The following SCN8A variants were observed in gnomAD, a reference collection of about 807,000 sequenced individuals.
SCN8A encodes the protein sodium voltage-gated channel alpha subunit 8.
In SCN8A, 30 loss-of-function variants were observed where a neutral mutation model predicts 184.1. That is an observed-to-expected ratio of 0.16 (90% CI 0.12 to 0.22). SCN8A has a LOEUF of 0.22. SCN8A is among the 10% of genes least tolerant of loss of function. The probability of loss-of-function intolerance (pLI) is 1.00; values close to 1 mark genes in which losing one functional copy is unlikely to be tolerated. For synonymous variants in SCN8A, 852 were observed against 907.0 expected, an observed-to-expected ratio of 0.94 and a Z score of 1.09; for missense variants, 1,057 against 2,498.9, an observed-to-expected ratio of 0.42 and a Z score of 12.30.
chr12:51,664,395 A>G (rs1940990115), intron 2 of SCN8A, among the ~76,000 whole-genome samples: 1 of 151,998 alleles, frequency 6.6e-6, no homozygotes. Flanking sequence ...TTTAGTAGAG[A>G]TGGGATTTCA....
At chr12:51,592,686 A>G (rs1939254630) in intron 1 of SCN8A, among the ~76,000 whole-genome samples, 1 of 151,890 alleles carries the variant, frequency 6.6e-6, no homozygotes, top group Non-Finnish European at 1.5e-5. Context: ...AGTGGGCACC[A>G]GAGAGTCAGG....
intron 11 of SCN8A, among the ~76,000 whole-genome samples, chr12:51,715,847 G>A (rs1008605148): frequency 6.6e-6 from 1 of 152,134 alleles, no homozygotes; most frequent in African/African-American, 2.4e-5. Context: ...CCGTGCAGGT[G>A]TGGAACAACC....
intron 11 of SCN8A, among the ~76,000 whole-genome samples, chr12:51,721,095 A>ATATATATAATATTTATTTATTGT (rs1565899336): frequency 4.1e-5 from 3 of 73,144 alleles, no homozygotes; most frequent in African/African-American, 1.3e-4. Context: ...ATATATATAT[A>ATATATATAATATTTATTTATTGT]TATATATATA....
At chr12:51,699,257 A>G (rs1377574951) in intron 6 of SCN8A, among the ~76,000 whole-genome samples, 1 of 152,236 alleles carries the variant, frequency 6.6e-6, no homozygotes, top group Non-Finnish European at 1.5e-5. Flanking sequence ...GCCCTATGGC[A>G]AGTAAGAGCT....
chr12:51,734,030 GT>G (rs1396667949), intron 12 of SCN8A, among the ~76,000 whole-genome samples: 2 of 151,836 alleles, frequency 1.3e-5, no homozygotes, highest in African/African-American at 4.8e-5. Context: ...ACAACCTCTT[GT>G]TTCATTGATC....
At chr12:51,616,499 C>T (rs1939839920) in intron 1 of SCN8A, among the ~76,000 whole-genome samples, 1 of 152,098 alleles carries the variant, frequency 6.6e-6, no homozygotes, top group African/African-American at 2.4e-5. Flanking sequence ...GTAGTCCCAG[C>T]TACTCAGGAG....
At chr12:51,722,434 C>T (rs927130322) in intron 12 of SCN8A, 1 of 157,282 alleles carries the variant, frequency 6.4e-6, no homozygotes, top group Non-Finnish European at 1.4e-5. Context: ...CCTAGGGAAA[C>T]AGCTTGGAAT....
chr12:51,640,081 GTT>G (rs374314744), intron 1 of SCN8A, among the ~76,000 whole-genome samples: 2 of 134,028 alleles, frequency 1.5e-5, no homozygotes. Context: ...TTTTTTTTAA[GTT>G]TTTTTTTTTT....
chr12:51,764,128 G>A (rs894103626), intron 15 of SCN8A, among the ~76,000 whole-genome samples: 6 of 152,088 alleles, frequency 3.9e-5, no homozygotes, highest in Admixed American at 3.3e-4. Context: ...AATATGAGTG[G>A]CCCAGATGTC....
intron 1 of SCN8A, among the ~76,000 whole-genome samples, chr12:51,607,706 T>A (rs1373095861): frequency 6.6e-6 from 1 of 152,194 alleles, no homozygotes; most frequent in African/African-American, 2.4e-5. Context: ...TGTTTTTAAT[T>A]CTGTTTATGT....
At chr12:51,766,123 A>G (rs1479681137) in intron 16 of SCN8A, 96 bp downstream of exon 16, 11 of 942,798 alleles carry the variant, frequency 1.2e-5, no homozygotes, top group Non-Finnish European at 1.7e-5. Flanking sequence ...TCCTTCTACT[A>G]CCCGTCATGT....
chr12:51,641,376 C>T (rs1372451038), intron 1 of SCN8A, among the ~76,000 whole-genome samples: 1 of 152,176 alleles, frequency 6.6e-6, no homozygotes, highest in East Asian at 1.9e-4. Flanking sequence ...TATCTTACTA[C>T]CACTGTGCTT....
chr12:51,763,152 G>C (rs1041109466), intron 15 of SCN8A, among the ~76,000 whole-genome samples: 1 of 152,054 alleles, frequency 6.6e-6, no homozygotes, highest in African/African-American at 2.4e-5. Context: ...ATAAAATAAG[G>C]TTTTTAAATA....
chr12:51,684,477 T>C (rs914394419), intron 3 of SCN8A, among the ~76,000 whole-genome samples, 185 bp downstream of exon 3: 2 of 152,106 alleles, frequency 1.3e-5, no homozygotes, highest in African/African-American at 2.4e-5. Flanking sequence ...CAAATTATTA[T>C]TTTTTTTCTT....
chr12:51,705,298 A>G, intron 9 of SCN8A, 119 bp from the exon 10 acceptor site: 1 of 843,286 alleles, frequency 1.2e-6, no homozygotes, highest in Non-Finnish European at 1.9e-6. Context: ...GTACTGCACA[A>G]GGAAACAGTC....
At chr12:51,624,165 A>T (rs1315027053) in intron 1 of SCN8A, among the ~76,000 whole-genome samples, 3 of 152,278 alleles carry the variant, frequency 2.0e-5, no homozygotes, top group South Asian at 2.1e-4. Context: ...TTTCTAGTTC[A>T]AGATCCCTGA....
At chr12:51,677,232 A>G (rs997674833) in intron 2 of SCN8A, among the ~76,000 whole-genome samples, 1 of 151,928 alleles carries the variant, frequency 6.6e-6, no homozygotes, top group African/African-American at 2.4e-5. Context: ...CTACAGGCAC[A>G]TGCCACCATT....
intron 2 of SCN8A, among the ~76,000 whole-genome samples, chr12:51,677,055 T>C (rs1941234174): frequency 6.7e-6 from 1 of 149,920 alleles, no homozygotes; most frequent in Admixed American, 6.7e-5. Context: ...TTTATTGTTT[T>C]GTTTTATTTT....
Position 51,794,542 on chromosome 12 carries a change from A to T in SCN8A, c.4696A>T (p.Thr1566Ser). ...WINLVFVIFFTCECVLKMFAL... is the reference protein window; with the variant it reads ...WINLVFVIFFSCECVLKMFAL... ...TAACCTGGTGTTTGTTATCTTCTTC[A>T]CCTGTGAGTGTGTGCTCAAAATGTT... The change falls in exon 26 of 27, where the codon ACC becomes TCC. Residue 1566 changes from threonine to serine, a missense_variant. Thr to Ser is a moderately conservative substitution (Grantham distance 58). Around this residue, in one of 19 missense-constraint regions of SCN8A, gnomAD observed 34 missense variants for 64.0 expected, o/e 0.53. Transcript: ENST00000627620. 1 of 1,613,972 alleles carries T rather than the reference A, an allele frequency of 6.2e-7. No individual in the cohort carries two copies. Among genetic ancestry groups the T allele is most frequent in the Non-Finnish European group, 8.5e-7 (1 of 1,179,882 alleles).
Sources: gnomAD v4.1 joint callset for allele counts (sites outside exome capture counted in the v4.1 genomes callset) on GRCh38, gnomAD v4.1.1 for gene constraint, gnomAD v4.1.1 regional missense constraint, MANE v1.5 for transcripts, NCBI Gene and HGNC (gene_info 2026-07-23, HGNC 2026-07-21) for gene names.